Variants in TRIM75 observed in about 807,000 individuals in gnomAD.
TRIM75 encodes tripartite motif containing 75, also known as tripartite motif-containing protein 75.
the TRIM75 span, among the ~76,000 whole-genome samples, chr4:165,057,980 CATA>C: frequency 6.6e-6 from 1 of 152,034 alleles, no homozygotes; most frequent in African/African-American, 2.4e-5. Flanking sequence ...TGCATTTAGA[CATA>C]ATGACATTTT....
chr4:165,060,000 C>T, the TRIM75 span: 1 of 775,974 alleles, frequency 1.3e-6, no homozygotes, highest in Non-Finnish European at 2.4e-6. Flanking sequence ...ATATTCTGCT[C>T]TGCAGAGAAT....
chr4:165,059,056 T>G, the TRIM75 span: 1 of 637,790 alleles, frequency 1.6e-6, no homozygotes, highest in Non-Finnish European at 2.9e-6. Context: ...CAGTGAGATC[T>G]AAGAGCATAT....
chr4:165,058,642 A>G, the TRIM75 span, among the ~76,000 whole-genome samples: 2 of 152,218 alleles, frequency 1.3e-5, no homozygotes, highest in Non-Finnish European at 1.5e-5. Context: ...TGGAATAGCT[A>G]GGGCACAATA....
At chr4:165,057,634 A>G in the TRIM75 span, among the ~76,000 whole-genome samples, 1 of 152,132 alleles carries the variant, frequency 6.6e-6, no homozygotes, top group African/African-American at 2.4e-5. Flanking sequence ...CCTGGGTTCA[A>G]GCGATTCTCA....
At chr4:165,059,300 C>CT in the TRIM75 span, 1 of 780,440 alleles carries the variant, frequency 1.3e-6, no homozygotes, top group South Asian at 1.3e-5. Flanking sequence ...AGGAATTGTT[C>CT]CCTTGCCCTG....
the TRIM75 span, among the ~76,000 whole-genome samples, chr4:165,056,141 G>T: frequency 2.0e-5 from 3 of 151,846 alleles, no homozygotes; most frequent in Non-Finnish European, 4.4e-5. Context: ...TGGCCAGGCT[G>T]GGAGACCCCA....
At chr4:165,059,225 C>T in the TRIM75 span, 9 of 780,132 alleles carry the variant, frequency 1.2e-5, no homozygotes, top group Non-Finnish European at 1.9e-5. Context: ...TGAGTGACCC[C>T]GTCACCATCG....
chr4:165,054,266 ATTTTTT>A, the TRIM75 span, among the ~76,000 whole-genome samples: 915 of 96,872 alleles, frequency 9.4e-3, 16 homozygotes, highest in African/African-American at 0.031. Context: ...TAATTTGTGT[ATTTTTT>A]TTTTTTTTTT....
the TRIM75 span, among the ~76,000 whole-genome samples, chr4:165,057,319 G>C: frequency 6.6e-6 from 1 of 152,186 alleles, no homozygotes; most frequent in African/African-American, 2.4e-5. Context: ...AGATCAGACT[G>C]AGTGACATGG....
the TRIM75 span, among the ~76,000 whole-genome samples, chr4:165,057,777 T>C: frequency 6.6e-6 from 1 of 152,040 alleles, no homozygotes; most frequent in Non-Finnish European, 1.5e-5. Flanking sequence ...CAACTGATCC[T>C]CCCACCTCGG....
At chr4:165,056,446 T>C in the TRIM75 span, among the ~76,000 whole-genome samples, 1 of 151,990 alleles carries the variant, frequency 6.6e-6, no homozygotes, top group Admixed American at 6.6e-5. Context: ...TCTGATGCCA[T>C]GGACTATGCT....
At chr4:165,057,711 T>G in the TRIM75 span, among the ~76,000 whole-genome samples, 1 of 152,092 alleles carries the variant, frequency 6.6e-6, no homozygotes, top group Non-Finnish European at 1.5e-5. Context: ...TTTTTGTATT[T>G]TTAGTAGCGA....
chr4:165,059,256 C>T, the TRIM75 span: 2 of 780,384 alleles, frequency 2.6e-6, no homozygotes, highest in South Asian at 2.7e-5. Context: ...CAACTTCTGT[C>T]GTTCCTGCAT....
chr4:165,060,191 G>A, the TRIM75 span: 649 of 780,900 alleles, frequency 8.3e-4, no homozygotes, highest in Non-Finnish European at 1.3e-3. Context: ...ATTCTGGCAG[G>A]CATTTCTGGG....
the TRIM75 span, chr4:165,060,410 G>C: frequency 1.3e-6 from 1 of 780,846 alleles, no homozygotes; most frequent in Non-Finnish European, 2.4e-6. Context: ...ACTATGAGAT[G>C]GGTGAGATCT....
the TRIM75 span, among the ~76,000 whole-genome samples, chr4:165,058,525 A>G: frequency 6.6e-6 from 1 of 152,152 alleles, no homozygotes; most frequent in Non-Finnish European, 1.5e-5. Flanking sequence ...CAAAGGCTGT[A>G]TTTTAATTTG....
the TRIM75 span, chr4:165,060,433 T>C: frequency 1.3e-6 from 1 of 780,844 alleles, no homozygotes. Flanking sequence ...TTCTATAACA[T>C]GGCTGAGAAA....
At chr4:165,058,847 T>G in the TRIM75 span, among the ~76,000 whole-genome samples, 1 of 152,202 alleles carries the variant, frequency 6.6e-6, no homozygotes, top group East Asian at 1.9e-4. Flanking sequence ...GCTGCTTAGC[T>G]TGGCATCATT....
the TRIM75 span, chr4:165,059,138 C>A: frequency 2.9e-5 from 22 of 764,170 alleles, no homozygotes; most frequent in Non-Finnish European, 5.1e-5. Context: ...AGACCTTCAC[C>A]GACAGCCCAA....
Sources: gnomAD v4.1 joint callset for allele counts (sites outside exome capture counted in the v4.1 genomes callset) on GRCh38, gnomAD v4.1.1 for gene constraint, MANE v1.5 for transcripts, NCBI Gene and HGNC (gene_info 2026-07-23, HGNC 2026-07-21) for gene names.